CMC1: variants seen among roughly 807,000 people sequenced by gnomAD.
CMC1 encodes the protein C-X9-C motif containing 1, also known as COX assembly mitochondrial protein homolog.
Under a neutral mutation model 14.1 loss-of-function variants are expected in CMC1, and 14 were observed. That is an observed-to-expected ratio of 0.99 (90% CI 0.66 to 1.55). The LOEUF (loss-of-function observed/expected upper bound fraction) is 1.55. Among genes scored for constraint, CMC1 ranks in the 40% most tolerant of loss-of-function variants. The pLI, the probability that CMC1 is intolerant of heterozygous loss-of-function variation, is 0.00. For synonymous variants in CMC1, 50 were observed against 38.4 expected (o/e 1.30, Z -1.12); for missense variants, 127 against 123.8 (o/e 1.03, Z -0.12).
chr3:28,253,442 G>A (rs753842012), intron 1 of CMC1, among the ~76,000 whole-genome samples: 3 of 152,116 alleles, frequency 2.0e-5, no homozygotes, highest in Non-Finnish European at 4.4e-5. Context: ...TTAGCTTGAT[G>A]TGGTGGTGTG....
intron 1 of CMC1, among the ~76,000 whole-genome samples, chr3:28,256,805 T>C (rs111384231): frequency 0.01 from 1,540 of 152,290 alleles, 21 homozygotes; most frequent in African/African-American, 0.035. Context: ...TTAACCACTT[T>C]TCTAAAGGAT....
chr3:28,271,573 G>A (rs1242462935), intron 2 of CMC1, among the ~76,000 whole-genome samples: 1 of 152,100 alleles, frequency 6.6e-6, no homozygotes, highest in African/African-American at 2.4e-5. Flanking sequence ...GTCTGTTTTT[G>A]TACCAGAACC....
At chr3:28,263,599 T>G (rs928559355) in intron 2 of CMC1, among the ~76,000 whole-genome samples, 10 of 152,038 alleles carry the variant, frequency 6.6e-5, no homozygotes, top group Admixed American at 6.6e-4. Flanking sequence ...TAAAAAACAT[T>G]TTTTGTTTTT....
chr3:28,315,598 T>C lies in CMC1; in HGVS notation c.110-735T>C, dbSNP rs1702856869. ...ACCAATGTCTGGAAACAATTCCCTT[T>C]CAAAGGAAGAGTCAACTCTTTGTAT... On this transcript the variant is annotated intron_variant, in intron 2 of 3. Coordinates refer to ENST00000466830, the MANE Select transcript of CMC1 (RefSeq NM_182523.2). 2.0e-5 allele frequency among the ~76,000 whole-genome samples: 3 copies of C among 152,268 alleles called. No homozygotes were observed. In the South Asian group the frequency reaches 6.2e-4, roughly 32 times the overall value.
chr3:28,271,096 G>A (rs1325584932), intron 2 of CMC1, among the ~76,000 whole-genome samples: 2 of 151,014 alleles, frequency 1.3e-5, no homozygotes, highest in East Asian at 1.9e-4. Flanking sequence ...ATACTCGGCC[G>A]AGTTAATATT....
Position 28,319,769 on chromosome 3 carries a change from T to C in CMC1, c.*140T>C, listed in dbSNP as rs1425790899. On this transcript the variant is annotated 3_prime_UTR_variant, in exon 4 of 4. Transcript: ENST00000466830. ...CTTTATCTGAAATAAATATTTTATT[T>C]CAAAGTTTTGGTTTCTTAAATGGGA... 1.3e-6 allele frequency: 1 copy of C among 772,320 alleles called. No individual in the cohort carries two copies. Among genetic ancestry groups the C allele is most frequent in the African/African-American group, 1.8e-5 (1 of 54,954 alleles). 47.8% of individuals were successfully genotyped at this position (772,320 alleles called of 1,614,324 possible). A position where few individuals can be genotyped will look rare whatever the true frequency, so the allele number is the denominator to read the frequency against.
chr3:28,316,011 T>C, intron 2 of CMC1: 1 of 177,994 alleles, frequency 5.6e-6, no homozygotes, highest in Non-Finnish European at 1.2e-5. Context: ...CTCTACATCC[T>C]GTCTCTATGA....
intron 2 of CMC1, among the ~76,000 whole-genome samples, chr3:28,284,674 CT>C (rs1476394099): frequency 6.6e-6 from 1 of 152,070 alleles, no homozygotes; most frequent in Non-Finnish European, 1.5e-5. Flanking sequence ...AATTTATTAT[CT>C]AAAGCACTCT....
At chr3:28,271,683 C>CT (rs797002406) in intron 2 of CMC1, among the ~76,000 whole-genome samples, 4 of 152,208 alleles carry the variant, frequency 2.6e-5, no homozygotes, top group African/African-American at 9.6e-5. Flanking sequence ...TATATGGGCT[C>CT]TTTTTTCTGG....
intron 2 of CMC1, among the ~76,000 whole-genome samples, chr3:28,283,766 A>G (rs1701033632): frequency 1.3e-5 from 2 of 152,284 alleles, no homozygotes; most frequent in South Asian, 2.1e-4. Flanking sequence ...GTTGTATTCC[A>G]TCTCAATACA....
At chr3:28,280,365 G>A (rs1339661771) in intron 2 of CMC1, among the ~76,000 whole-genome samples, 1 of 152,002 alleles carries the variant, frequency 6.6e-6, no homozygotes, top group African/African-American at 2.4e-5. Flanking sequence ...TCATTGAATG[G>A]TATATATTAA....
rs539028832 is a variant in CMC1, at chr3:28,253,187, T to A, written c.20-10104T>A. 1.7e-4 allele frequency among the ~76,000 whole-genome samples: 26 copies of A among 152,288 alleles called. No individual in the cohort carries two copies. In the South Asian group the frequency reaches 5.2e-3, roughly 30 times the overall value. On this transcript the variant is annotated intron_variant, in intron 1 of 3. Coordinates refer to ENST00000466830, the MANE Select transcript of CMC1 (RefSeq NM_182523.2). ...GCCTAGATTCCTGGTGTGAAGCACTTAGTGAGAACTAACAATTGAGAACGC... is the reference window on the plus strand; with the variant it reads ...GCCTAGATTCCTGGTGTGAAGCACTAAGTGAGAACTAACAATTGAGAACGC...
chr3:28,247,330 A>G (rs551053597), intron 1 of CMC1, among the ~76,000 whole-genome samples: 2 of 152,278 alleles, frequency 1.3e-5, no homozygotes, highest in East Asian at 3.9e-4. Flanking sequence ...AGAAAAAAAA[A>G]ACCCTTAAGA....
intron 2 of CMC1, among the ~76,000 whole-genome samples, chr3:28,269,896 AT>A (rs1700196344): frequency 1.3e-5 from 2 of 152,128 alleles, no homozygotes. Flanking sequence ...CCCAGCATGC[AT>A]TAGCTATGTA....
At chr3:28,261,312 T>C (rs1699725279) in intron 1 of CMC1, among the ~76,000 whole-genome samples, 1 of 152,118 alleles carries the variant, frequency 6.6e-6, no homozygotes, top group African/African-American at 2.4e-5. Flanking sequence ...TAGAATCTGA[T>C]TTCCTTCCAC....
chr3:28,301,523 CT>C (rs1702047321), intron 2 of CMC1, among the ~76,000 whole-genome samples: 1 of 152,058 alleles, frequency 6.6e-6, no homozygotes, highest in Non-Finnish European at 1.5e-5. Context: ...ACTCGGCTTA[CT>C]GATTTATTTT....
intron 1 of CMC1, among the ~76,000 whole-genome samples, chr3:28,254,310 A>G (rs1189022540): frequency 1.3e-5 from 2 of 152,240 alleles, no homozygotes; most frequent in African/African-American, 4.8e-5. Context: ...TGTTGAAGAT[A>G]GCTTTTTCAA....
chr3:28,303,248 A>C (rs1393321157), intron 2 of CMC1, among the ~76,000 whole-genome samples: 1 of 152,188 alleles, frequency 6.6e-6, no homozygotes, highest in Non-Finnish European at 1.5e-5. Context: ...TACCTTGCAA[A>C]AAATGATTAG....
chr3:28,318,731 G>A (rs1234290526), intron 3 of CMC1: 1 of 152,668 alleles, frequency 6.6e-6, no homozygotes, highest in Non-Finnish European at 1.5e-5. Flanking sequence ...CATTCCTACA[G>A]CTCCTCCTTT....
Sources: gnomAD v4.1 joint callset for allele counts (sites outside exome capture counted in the v4.1 genomes callset) on GRCh38, gnomAD v4.1.1 for gene constraint, MANE v1.5 for transcripts, NCBI Gene and HGNC (gene_info 2026-07-23, HGNC 2026-07-21) for gene names.